PABPC1: variants seen among roughly 807,000 people sequenced by gnomAD.
PABPC1 encodes the protein polyadenylate-binding protein 1.
PABPC1 carries 4 observed loss-of-function variants against 74.0 expected under a neutral mutation model. That is an observed-to-expected ratio of 0.05 (90% CI 0.03 to 0.12). PABPC1 has a LOEUF of 0.12. Ranked by LOEUF, PABPC1 falls within the 10% of genes least tolerant of loss-of-function variation. The pLI, the probability that PABPC1 is intolerant of heterozygous loss-of-function variation, is 1.00. For synonymous variants in PABPC1, 227 were observed against 264.1 expected, an observed-to-expected ratio of 0.86 and a Z score of 1.36; for missense variants, 271 against 821.1, an observed-to-expected ratio of 0.33 and a Z score of 8.19.
intron 7 of PABPC1, among the ~76,000 whole-genome samples, chr8:100,710,435 A>G (rs945903776): frequency 6.6e-6 from 1 of 152,228 alleles, no homozygotes; most frequent in African/African-American, 2.4e-5. Flanking sequence ...CCAAGCAATT[A>G]TGGGAATTCA....
intron 11 of PABPC1, among the ~76,000 whole-genome samples, 159 bp from the exon 12 acceptor site, chr8:100,705,832 A>G (rs1810364734): frequency 6.6e-6 from 1 of 152,226 alleles, no homozygotes; most frequent in Non-Finnish European, 1.5e-5. Context: ...TAGTTATTAT[A>G]TACTATGTAT....
intron 11 of PABPC1, among the ~76,000 whole-genome samples, chr8:100,706,245 C>T (rs977514374): frequency 2.6e-5 from 4 of 152,248 alleles, no homozygotes; most frequent in African/African-American, 7.2e-5. Context: ...AGACATTTTA[C>T]ATACTATCAT....
rs759355200 is a variant in PABPC1, at chr8:100,721,458, G to A, written c.126C>T (p.Val42=). Residue 42 remains valine (V), a synonymous_variant, in exon 1 of 15, where the codon GTC becomes GTT. Transcript: ENST00000318607. The surrounding 1 kb of genome is among the most constrained non-coding windows in gnomAD (Gnocchi z 7.4). ...AGCGGCGGGTGATCATGTCCCTGCA[G>A]ACCCGGATGGAGAGGATGGGCCCGG... is the stretch of plus-strand genomic sequence containing the variant. ...SPAGPILSIR[V]CRDMITRRSL... is the part of the protein sequence containing the mutation. The A allele has an allele frequency of 4.3e-6, 7 of 1,611,202 alleles. No individual in the cohort carries two copies. The East Asian group carries it at 1.6e-4, about 36-fold the overall frequency.
chr8:100,721,323 G>A lies in PABPC1; in HGVS notation c.193+68C>T, dbSNP rs1810823010. 8.8e-6 allele frequency: 4 copies of A among 453,688 alleles called. No individual in the cohort carries two copies. The highest frequency in any genetic ancestry group is 4.5e-5 in the African/African-American group (2 of 44,824). 28.1% of individuals were successfully genotyped at this position (453,688 alleles called of 1,614,324 possible). A position where few individuals can be genotyped will look rare whatever the true frequency, so the allele number is the denominator to read the frequency against. Reference sequence around the variant, plus strand: ...CTCCCCGGGCCCGCCGGCCTACCCCGCCCGCCGCCGCCGCCCGAGCCTCAT... The same window carrying A: ...CTCCCCGGGCCCGCCGGCCTACCCCACCCGCCGCCGCCGCCCGAGCCTCAT... On this transcript the variant is annotated intron_variant, in intron 1 of 14. Transcript: ENST00000318607. This position sits in a 1 kb window ranked among gnomAD's most constrained non-coding sequence, Gnocchi z 7.4.
chr8:100,705,804 A>G (rs1810363786), intron 11 of PABPC1, 131 bp from the exon 12 acceptor site: 1 of 667,198 alleles, frequency 1.5e-6, no homozygotes, highest in East Asian at 2.7e-5. Flanking sequence ...GAGTGAGCGA[A>G]TTAGAAAGAA....
chr8:100,711,793 C>T (rs1483216070), intron 7 of PABPC1, among the ~76,000 whole-genome samples: 1 of 152,050 alleles, frequency 6.6e-6, no homozygotes, highest in East Asian at 1.9e-4. Context: ...TAATTTTTTT[C>T]TATGCACTCT....
intron 7 of PABPC1, among the ~76,000 whole-genome samples, chr8:100,710,161 G>C (rs1054708261): frequency 1.3e-5 from 2 of 150,474 alleles, no homozygotes; most frequent in Non-Finnish European, 3.0e-5. Context: ...TGAGAAAAAA[G>C]TAGTTGAATC....
At chr8:100,707,565 T>C (rs1313755632) in intron 9 of PABPC1, among the ~76,000 whole-genome samples, 3 of 152,188 alleles carry the variant, frequency 2.0e-5, no homozygotes, top group Non-Finnish European at 2.9e-5. Context: ...TTAGAGACTT[T>C]TAGTACTTTC....
chr8:100,705,471 T>C, intron 12 of PABPC1, 118 bp downstream of exon 12: 1 of 737,488 alleles, frequency 1.4e-6, no homozygotes, highest in South Asian at 1.5e-5. Flanking sequence ...ATCATAATCA[T>C]TCATGCCAAT....
intron 7 of PABPC1, among the ~76,000 whole-genome samples, chr8:100,710,292 T>G (rs959735162): frequency 6.6e-6 from 1 of 152,158 alleles, no homozygotes; most frequent in Admixed American, 6.5e-5. Context: ...AAAGACCTTT[T>G]AAATGAGCAA....
At chr8:100,705,991 G>A (rs757353481) in intron 11 of PABPC1, among the ~76,000 whole-genome samples, 25 of 152,146 alleles carry the variant, frequency 1.6e-4, no homozygotes, top group Non-Finnish European at 3.1e-4. Context: ...GGGATTACAG[G>A]CATGTGCCAC....
chr8:100,714,485 C>A (rs548825854), intron 4 of PABPC1, among the ~76,000 whole-genome samples: 1 of 152,218 alleles, frequency 6.6e-6, no homozygotes, highest in South Asian at 2.1e-4. Context: ...AATCCCAGCA[C>A]TTTGGGAGGC....
chr8:100,712,655 G>A lies in PABPC1; in HGVS notation c.873C>T (p.Tyr291=). ...EQMKQDRITR[Y]QGVNLYVKNL... ...GGTTGTTCAATTAAAAATGAACCTGGTATCTGGTGATCCTATCTTGTTTCA... is the reference window on the plus strand; with the variant it reads ...GGTTGTTCAATTAAAAATGAACCTGATATCTGGTGATCCTATCTTGTTTCA... The change falls in exon 6 of 15, where the codon TAC becomes TAT. Residue 291 remains tyrosine, a synonymous_variant. Coordinates refer to ENST00000318607, the MANE Select transcript of PABPC1 (RefSeq NM_002568.4). 2 of 1,597,898 alleles carry A rather than the reference G, an allele frequency of 1.3e-6. No homozygotes were observed. The highest frequency in any genetic ancestry group is 2.3e-5 in the South Asian group (2 of 87,248).
rs1810386768 is a variant in PABPC1, at chr8:100,706,670, G to A, written c.1583C>T (p.Pro528Leu). Residue 528 changes from proline to leucine, a missense_variant, in exon 11 of 15, where the codon CCA becomes CTA. Physicochemically the swap from Pro to Leu is moderately conservative, Grantham distance 98 (BLOSUM62 -3). Transcript: ENST00000318607. Reference protein sequence around the residue: ...RNPQQHLNAQPQVTMQQPAVH... With the variant: ...RNPQQHLNAQLQVTMQQPAVH... ...CCATACCTGTTGCATTGTAACTTGT[G>A]GCTGTGCATTAAGATGTTGCTGAGG... 1 of 1,613,806 alleles carries A rather than the reference G, an allele frequency of 6.2e-7. No individual in the cohort carries two copies.
In PABPC1 at chr8:100,707,012, T is replaced by G; in HGVS notation, c.1337-15A>C. 1 of 1,090,080 alleles carries G rather than the reference T, an allele frequency of 9.2e-7. No individual in the cohort carries two copies. The highest frequency in any genetic ancestry group is 1.3e-6 in the Non-Finnish European group (1 of 767,902). The allele number at this position is 1,090,080 out of a possible 1,614,324, so 67.5% of individuals were successfully genotyped here. ...ATTTTGGAATGCTGCATTTTAAAGATGTGAATATACATTAACTGGGAAAAC... is the reference window on the plus strand; with the variant it reads ...ATTTTGGAATGCTGCATTTTAAAGAGGTGAATATACATTAACTGGGAAAAC... On this transcript the variant is annotated splice_polypyrimidine_tract_variant and intron_variant, in intron 9 of 14. Coordinates refer to ENST00000318607, the MANE Select transcript of PABPC1 (RefSeq NM_002568.4).
intron 1 of PABPC1, among the ~76,000 whole-genome samples, chr8:100,718,526 CTAA>C (rs1399607551): frequency 2.6e-5 from 4 of 152,092 alleles, no homozygotes; most frequent in Admixed American, 2.0e-4. Context: ...TTCCATATTG[CTAA>C]TAATTAATAA....
chr8:100,716,298 GGCTGAAGCACGACAATT>G (rs1278620484), intron 3 of PABPC1, among the ~76,000 whole-genome samples: 3 of 152,180 alleles, frequency 2.0e-5, no homozygotes, highest in Admixed American at 1.3e-4. Flanking sequence ...CTACTTGGGA[GGCTGAAGCACGACAATT>G]GCTAGAACCC....
chr8:100,721,699 G>A lies in PABPC1; in HGVS notation c.-116C>T, dbSNP rs1810837621. ...AGGGGAGCGGGGAGCAAGCGCAGAG[G>A]GACAAAAATCAACCGGAATTGAAAA... On this transcript the variant is annotated 5_prime_UTR_variant, in exon 1 of 15. Coordinates refer to ENST00000318607, the MANE Select transcript of PABPC1 (RefSeq NM_002568.4). This position sits in a 1 kb window ranked among gnomAD's most constrained non-coding sequence, Gnocchi z 7.4. 2 of 891,622 alleles carry A rather than the reference G, an allele frequency of 2.2e-6. No individual in the cohort carries two copies. The highest frequency in any genetic ancestry group is 3.2e-6 in the Non-Finnish European group (2 of 626,136). The allele number at this position is 891,622 out of a possible 1,614,324, so 55.2% of individuals were successfully genotyped here.
chr8:100,710,059 TA>T (rs1563611702), intron 7 of PABPC1, among the ~76,000 whole-genome samples: 1 of 152,250 alleles, frequency 6.6e-6, no homozygotes, highest in Non-Finnish European at 1.5e-5. Flanking sequence ...CCAGGCCTAC[TA>T]AATTGACTTT....
Sources: allele counts gnomAD v4.1 joint callset (sites outside exome capture counted in the v4.1 genomes callset), GRCh38; gene constraint gnomAD v4.1.1; non-coding constraint Gnocchi (gnomAD v3.1); transcripts MANE v1.5; gene names NCBI Gene and HGNC (gene_info 2026-07-23, HGNC 2026-07-21).